Variants in CCDC178 observed in about 807,000 individuals in gnomAD.
CCDC178 encodes coiled-coil domain containing 178.
CCDC178 carries 126 observed loss-of-function variants against 117.4 expected under a neutral mutation model. The ratio of observed to expected loss-of-function variants is 1.07; its 90% CI spans 0.93 to 1.24. The LOEUF (loss-of-function observed/expected upper bound fraction) is 1.24. Ranked by LOEUF, CCDC178 falls within the 50% of genes most tolerant of loss-of-function variation. The probability of loss-of-function intolerance (pLI) is 0.00; values close to 1 mark genes in which losing one functional copy is unlikely to be tolerated. For missense variants in CCDC178, 1,030 were observed against 986.9 expected (o/e 1.04, Z -0.59); for synonymous variants, 283 against 313.4 (o/e 0.90, Z 1.02).
intron 22 of CCDC178, among the ~76,000 whole-genome samples, chr18:32,946,102 G>A (rs553932450): frequency 3.7e-4 from 56 of 152,238 alleles, no homozygotes; most frequent in African/African-American, 1.3e-3. Context: ...TTTGGGTACA[G>A]CCTTGTTCCT....
chr18:33,251,963 A>C (rs1376528900), intron 14 of CCDC178, among the ~76,000 whole-genome samples: 1 of 151,784 alleles, frequency 6.6e-6, no homozygotes, highest in Non-Finnish European at 1.5e-5. Context: ...TTTTGATCCA[A>C]TGTAACTAGG....
chr18:33,179,085 A>ATATATATATATATATATATATAAAC (rs2058699927), intron 20 of CCDC178, among the ~76,000 whole-genome samples: 7 of 96,810 alleles, frequency 7.2e-5, no homozygotes, highest in Non-Finnish European at 1.4e-4. Flanking sequence ...AAAAATATAT[A>ATATATATATATATATATATATAAAC]TATATATATA....
At chr18:33,379,103 ATATATATTT>A (rs1369075071) in intron 5 of CCDC178, among the ~76,000 whole-genome samples, 2 of 6,414 alleles carry the variant, frequency 3.1e-4, no homozygotes, top group African/African-American at 3.4e-4. Flanking sequence ...TGCCGTATAT[ATATATATTT>A]CCATATATAT....
intron 20 of CCDC178, among the ~76,000 whole-genome samples, chr18:33,114,849 T>C (rs1268361686): frequency 3.3e-5 from 5 of 152,046 alleles, no homozygotes; most frequent in Non-Finnish European, 5.9e-5. Context: ...ATCTGTTCCA[T>C]ATTTCCAAAG....
At chr18:33,172,042 C>A (rs1247695459) in intron 20 of CCDC178, among the ~76,000 whole-genome samples, 1 of 152,140 alleles carries the variant, frequency 6.6e-6, no homozygotes, top group Non-Finnish European at 1.5e-5. Flanking sequence ...TCCTGAGTAG[C>A]TGGGATTACA....
intron 20 of CCDC178, among the ~76,000 whole-genome samples, chr18:33,138,628 G>T (rs1372341056): frequency 2.0e-5 from 3 of 152,150 alleles, no homozygotes; most frequent in Admixed American, 1.3e-4. Context: ...CTTGCAAATT[G>T]TATGTTAAGT....
chr18:33,028,573 G>T (rs931496416), intron 21 of CCDC178, among the ~76,000 whole-genome samples: 2 of 151,354 alleles, frequency 1.3e-5, no homozygotes, highest in Non-Finnish European at 3.0e-5. Flanking sequence ...TTGTGGTTTG[G>T]TTTTTATTTT....
intron 20 of CCDC178, among the ~76,000 whole-genome samples, chr18:33,150,636 G>A (rs546014735): frequency 2.0e-5 from 3 of 152,062 alleles, no homozygotes; most frequent in East Asian, 1.9e-4. Flanking sequence ...TCAACATCAC[G>A]AGATGTTGGT....
intron 11 of CCDC178, among the ~76,000 whole-genome samples, chr18:33,318,056 C>A (rs1210214123): frequency 2.0e-5 from 3 of 152,122 alleles, no homozygotes; most frequent in Non-Finnish European, 2.9e-5. Flanking sequence ...AAGTTGACTA[C>A]CTATTTCCGG....
chr18:33,139,366 C>T (rs2058169189), intron 20 of CCDC178, among the ~76,000 whole-genome samples: 1 of 152,104 alleles, frequency 6.6e-6, no homozygotes, highest in South Asian at 2.1e-4. Flanking sequence ...GAGGTTGGAA[C>T]AGTTTGGAGG....
chr18:32,974,148 G>T (rs1436733612), intron 22 of CCDC178, among the ~76,000 whole-genome samples: 3 of 152,018 alleles, frequency 2.0e-5, no homozygotes, highest in African/African-American at 7.2e-5. Context: ...GAAAAGGAAA[G>T]ACAACAGTTA....
intron 21 of CCDC178, among the ~76,000 whole-genome samples, chr18:33,068,284 A>G (rs2057052540): frequency 6.6e-6 from 1 of 152,186 alleles, no homozygotes; most frequent in Non-Finnish European, 1.5e-5. Context: ...CAGTATTCAA[A>G]AAAATTAAGA....
At chr18:33,293,759 A>G (rs1214858757) in intron 11 of CCDC178, among the ~76,000 whole-genome samples, 5 of 152,182 alleles carry the variant, frequency 3.3e-5, no homozygotes, top group African/African-American at 9.6e-5. Context: ...ACGTAACTTG[A>G]CAATTTCTAA....
chr18:33,357,686 C>A (rs138364812), intron 6 of CCDC178, among the ~76,000 whole-genome samples: 1,782 of 152,082 alleles, frequency 0.012, 25 homozygotes, highest in African/African-American at 0.036. Context: ...CATAAATTAT[C>A]AAAAATGCAA....
At chr18:33,022,390 T>C (rs1347457925) in intron 21 of CCDC178, among the ~76,000 whole-genome samples, 3 of 152,164 alleles carry the variant, frequency 2.0e-5, no homozygotes, top group African/African-American at 7.2e-5. Context: ...TATTTGGTGG[T>C]TGAAGCAAAA....
chr18:33,036,534 C>A (rs1363453982), intron 21 of CCDC178, among the ~76,000 whole-genome samples: 3 of 151,796 alleles, frequency 2.0e-5, no homozygotes, highest in Non-Finnish European at 4.4e-5. Flanking sequence ...TGCACTGAGC[C>A]TCAAAGGATG....
At chr18:33,199,260 T>C (rs1444175687) in intron 20 of CCDC178, among the ~76,000 whole-genome samples, 1 of 152,172 alleles carries the variant, frequency 6.6e-6, no homozygotes, top group Non-Finnish European at 1.5e-5. Flanking sequence ...TCCATGCTTA[T>C]GTGAAAATAC....
chr18:33,369,419 A>T (rs928713607), intron 6 of CCDC178, among the ~76,000 whole-genome samples: 19 of 151,924 alleles, frequency 1.3e-4, no homozygotes, highest in African/African-American at 4.3e-4. Flanking sequence ...AAAATAGCAC[A>T]GGTCTCTGGA....
intron 21 of CCDC178, among the ~76,000 whole-genome samples, chr18:32,982,037 A>G (rs2055163884): frequency 6.6e-6 from 1 of 152,156 alleles, no homozygotes; most frequent in African/African-American, 2.4e-5. Context: ...GTCATATGCT[A>G]ATGTGTTGAA....
Sources: allele counts gnomAD v4.1 joint callset (sites outside exome capture counted in the v4.1 genomes callset), GRCh38; gene constraint gnomAD v4.1.1; transcripts MANE v1.5; gene names NCBI Gene and HGNC (gene_info 2026-07-23, HGNC 2026-07-21).